The following CD200 variants were observed in gnomAD, a reference collection of about 807,000 sequenced individuals.
CD200 encodes CD200 molecule.
In CD200, 15 loss-of-function variants were observed where a neutral mutation model predicts 30.9. The observed-to-expected ratio is 0.49, with a 90% CI of 0.32 to 0.75. The LOEUF (loss-of-function observed/expected upper bound fraction) is 0.75, where lower values mean the gene tolerates loss of function less well. Among genes scored for constraint, CD200 ranks in the 30% least tolerant of loss-of-function variants. The pLI, the probability that CD200 is intolerant of heterozygous loss-of-function variation, is 0.03. For missense variants in CD200, 262 were observed against 324.2 expected (o/e 0.81, Z 1.47); for synonymous variants, 134 against 126.2 (o/e 1.06, Z -0.41).
chr3:112,351,559 C>G (rs1278072054), intron 5 of CD200, among the ~76,000 whole-genome samples: 3 of 152,118 alleles, frequency 2.0e-5, no homozygotes, highest in Non-Finnish European at 4.4e-5. Context: ...TTTCTCTGCC[C>G]AAGTTTTTCC....
Position 112,349,759 on chromosome 3 carries a change from A to T in CD200, c.742A>T (p.Ile248Phe). 6.2e-7 allele frequency: 1 copy of T among 1,612,154 alleles called. No individual in the cohort carries two copies. Among genetic ancestry groups the T allele is most frequent in the Non-Finnish European group, 8.5e-7 (1 of 1,179,020 alleles). ...ATTGCTAAGCATTGTTTCCCTGGTA[A>T]TTCTTCTCGTCCTAATCTCAATCTT... ...PLLLSIVSLV[I>F]LLVLISILLY... The change falls in exon 5 of 6, where the codon ATT (isoleucine) becomes TTT (phenylalanine). Residue 248 changes from isoleucine to phenylalanine, a missense_variant. By Grantham distance (21) the Ile-to-Phe change is conservative. Transcript: ENST00000315711.
At position 112,349,819 on chromosome 3, in the gene CD200, G is replaced by A. The variant is rs1559788648; in HGVS notation, c.802G>A (p.Glu268Lys). The A allele has an allele frequency of 3.7e-6, 6 of 1,605,314 alleles. No individual in the cohort carries two copies. The highest frequency in any genetic ancestry group is 1.1e-5 in the South Asian group (1 of 88,506). Reference protein sequence around the residue: ...YWKRHRNQDREP With the variant: ...YWKRHRNQDRKP ...GAAACGTCACCGGAATCAGGACCGA[G>A]GTGAGTTGTCACAGGGAGTTCAAAA... is the stretch of plus-strand genomic sequence containing the variant. The change falls in exon 5 of 6, where the codon GAG (glutamate) becomes AAG (lysine). Residue 268 changes from glutamate to lysine, a missense_variant and splice_region_variant. Physicochemically the swap from Glu to Lys is moderately conservative, Grantham distance 56. Transcript: ENST00000315711.
intron 5 of CD200, among the ~76,000 whole-genome samples, chr3:112,353,839 A>C (rs2081580696): frequency 6.6e-6 from 1 of 152,168 alleles, no homozygotes; most frequent in Non-Finnish European, 1.5e-5. Flanking sequence ...TCCCTGACAG[A>C]GGCTGGATGA....
Position 112,342,790 on chromosome 3 carries a change from T to A in CD200, c.94+1807T>A, listed in dbSNP as rs183897554. Among the ~76,000 whole-genome samples the A allele has an allele frequency of 9.9e-4, 151 of 152,300 alleles. 2 individuals are homozygous for A. The East Asian group carries it at 0.017, about 17-fold the overall frequency. ...ATTGTCATTCAGTTATAATAATTTA[T>A]GATTTTTTCTATGCTTTCTGGTGTA... On this transcript the variant is annotated intron_variant, in intron 2 of 5. Transcript: ENST00000315711.
At chr3:112,356,920 A>G (rs1309051499) in intron 5 of CD200, among the ~76,000 whole-genome samples, 2 of 152,182 alleles carry the variant, frequency 1.3e-5, no homozygotes, top group Non-Finnish European at 2.9e-5. Flanking sequence ...ACTGTATCTC[A>G]TAAGAATGTT....
intron 1 of CD200, among the ~76,000 whole-genome samples, chr3:112,339,564 C>T (rs1414486208): frequency 6.6e-6 from 1 of 152,176 alleles, no homozygotes; most frequent in Non-Finnish European, 1.5e-5. Context: ...AAAATAGAAC[C>T]TGCAAGTAGT....
Position 112,361,635 on chromosome 3 carries a change from T to G in CD200, c.*85T>G, listed in dbSNP as rs915000537. 1 of 1,255,918 alleles carries G rather than the reference T, an allele frequency of 8.0e-7. No homozygotes were observed. The highest frequency in any genetic ancestry group is 1.5e-5 in the African/African-American group (1 of 67,652). 77.8% of individuals were successfully genotyped at this position (1,255,918 alleles called of 1,614,324 possible). A position where few individuals can be genotyped will look rare whatever the true frequency, so the allele number is the denominator to read the frequency against. Reference sequence around the variant, plus strand: ...AAAGCAGGAGGAAAAGGGGCCATTCTCCAAAGGACCTGAAAGAGCAAAAGA... The same window carrying G: ...AAAGCAGGAGGAAAAGGGGCCATTCGCCAAAGGACCTGAAAGAGCAAAAGA... On this transcript the variant is annotated 3_prime_UTR_variant, in exon 6 of 6. Coordinates refer to ENST00000315711, the MANE Select transcript of CD200 (RefSeq NM_005944.7).
At chr3:112,358,691 C>G (rs17513698) in intron 5 of CD200, among the ~76,000 whole-genome samples, 33,936 of 151,952 alleles carry the variant, frequency 0.22, 3,983 homozygotes, top group Non-Finnish European at 0.26. Flanking sequence ...GCTTGTAGAT[C>G]CAAAGCTGCC....
At chr3:112,334,161 G>C (rs2081061431) in intron 1 of CD200, 2 of 985,068 alleles carry the variant, frequency 2.0e-6, no homozygotes, top group East Asian at 1.1e-4. Flanking sequence ...TTATTACCTC[G>C]TTTTACACAT....
intron 2 of CD200, among the ~76,000 whole-genome samples, chr3:112,344,314 A>C (rs1234706724): frequency 1.3e-5 from 2 of 152,186 alleles, no homozygotes; most frequent in Non-Finnish European, 2.9e-5. Flanking sequence ...TGAGTTGCTA[A>C]TATTGAGGAA....
At chr3:112,349,125 G>C (rs2081477563) in intron 4 of CD200, among the ~76,000 whole-genome samples, 1 of 152,136 alleles carries the variant, frequency 6.6e-6, no homozygotes, top group South Asian at 2.1e-4. Context: ...CCAAATCAAG[G>C]AGTTCCTCAT....
chr3:112,348,705 G>A (rs567909543), intron 4 of CD200, among the ~76,000 whole-genome samples: 23 of 152,242 alleles, frequency 1.5e-4, no homozygotes, highest in African/African-American at 5.5e-4. Flanking sequence ...CCTCTTTACT[G>A]CAGTGGCCTT....
intron 1 of CD200, among the ~76,000 whole-genome samples, chr3:112,337,742 T>C (rs2081150950): frequency 6.6e-6 from 1 of 152,150 alleles, no homozygotes; most frequent in Non-Finnish European, 1.5e-5. Context: ...TAGAGATGAT[T>C]AATAATAGAA....
intron 5 of CD200, among the ~76,000 whole-genome samples, chr3:112,352,370 T>C (rs2081548415): frequency 6.6e-6 from 1 of 151,938 alleles, no homozygotes; most frequent in East Asian, 1.9e-4. Context: ...CTTCCAGTTG[T>C]TTTCATCCTT....
chr3:112,349,239 T>A (rs901487650), intron 4 of CD200, among the ~76,000 whole-genome samples: 2 of 152,230 alleles, frequency 1.3e-5, no homozygotes, highest in Non-Finnish European at 2.9e-5. Context: ...AGATGAGTTA[T>A]CTCTGGGGGT....
In CD200 at chr3:112,333,174, C is replaced by A. The variant is rs376604950; in HGVS notation, c.-39C>A. On this transcript the variant is annotated 5_prime_UTR_variant, in exon 1 of 6. Transcript: ENST00000315711. ...GCCTAGCAGAGCTCCAGGCGCACATCCGCAGTCAGCCACCTCGCGCGCGCC... is the reference window on the plus strand; with the variant it reads ...GCCTAGCAGAGCTCCAGGCGCACATACGCAGTCAGCCACCTCGCGCGCGCC... 4.5e-6 allele frequency: 7 copies of A among 1,548,778 alleles called. No individual in the cohort carries two copies. In the South Asian group the frequency reaches 6.0e-5, roughly 13 times the overall value.
intron 1 of CD200, chr3:112,333,456 T>G (rs2081042865): frequency 1.0e-6 from 1 of 984,928 alleles, no homozygotes; most frequent in Non-Finnish European, 1.2e-6. Context: ...GCGTCCAGAT[T>G]CTCCATTCCA....
At chr3:112,347,501 G>T (rs2081425312) in intron 3 of CD200, 57 bp from the exon 4 acceptor site, 1 of 1,532,578 alleles carries the variant, frequency 6.5e-7, no homozygotes, top group South Asian at 1.1e-5. Context: ...TGAGGAGACT[G>T]CAGGACTCAG....
chr3:112,357,900 T>C (rs1367689278), intron 5 of CD200, among the ~76,000 whole-genome samples: 1 of 152,212 alleles, frequency 6.6e-6, no homozygotes, highest in South Asian at 2.1e-4. Flanking sequence ...ATATTAAACA[T>C]TGAAATAAAT....
Sources: allele counts gnomAD v4.1 joint callset (sites outside exome capture counted in the v4.1 genomes callset), GRCh38; gene constraint gnomAD v4.1.1; transcripts MANE v1.5; gene names NCBI Gene and HGNC (gene_info 2026-07-23, HGNC 2026-07-21).